DCLK2: variants seen among roughly 807,000 people sequenced by gnomAD.
DCLK2 encodes the protein serine/threonine-protein kinase DCLK2.
Under a neutral mutation model 78.4 loss-of-function variants are expected in DCLK2, and 31 were observed. That is an observed-to-expected ratio of 0.40 (90% CI 0.30 to 0.53). DCLK2 has a LOEUF of 0.53. DCLK2 is among the 20% of genes least tolerant of loss of function. DCLK2 has a pLI of 0.61. For missense variants in DCLK2, 872 were observed against 973.7 expected (o/e 0.90, Z 1.39); for synonymous variants, 407 against 374.9 (o/e 1.09, Z -0.99).
At chr4:150,158,437 C>T (rs1405114595) in intron 2 of DCLK2, among the ~76,000 whole-genome samples, 1 of 152,092 alleles carries the variant, frequency 6.6e-6, no homozygotes, top group East Asian at 1.9e-4. Context: ...GTTATTTTTG[C>T]CTCCCCTCCA....
At chr4:150,225,795 G>C (rs1181279107) in intron 8 of DCLK2, among the ~76,000 whole-genome samples, 1 of 152,114 alleles carries the variant, frequency 6.6e-6, no homozygotes, top group African/African-American at 2.4e-5. Flanking sequence ...ATTTATGCTG[G>C]ACACTGCTGC....
At position 150,193,170 on chromosome 4, in the gene DCLK2, C is replaced by A; in HGVS notation, c.789C>A (p.Asp263Glu). 6.2e-7 allele frequency: 1 copy of A among 1,609,390 alleles called. No individual in the cohort carries two copies. The highest frequency in any genetic ancestry group is 8.5e-7 in the Non-Finnish European group (1 of 1,177,128). Residue 263 changes from aspartate (D) to glutamate (E), a missense_variant, in exon 3 of 16, where the codon GAC becomes GAA. By Grantham distance (45) the Asp-to-Glu change is conservative. Transcript: ENST00000296550. ...VTCLQDFFGDDDVFIACGPEK... is the reference protein window; with the variant it reads ...VTCLQDFFGDEDVFIACGPEK... ...GTCTGCAAGACTTTTTTGGTGATGA[C>A]GATGTTTTTATTGCATGTGGACCAG...
chr4:150,200,238 G>A (rs980291822), intron 4 of DCLK2, among the ~76,000 whole-genome samples: 3 of 152,142 alleles, frequency 2.0e-5, no homozygotes, highest in Admixed American at 6.5e-5. Context: ...AAGGAAAATC[G>A]TAGCATTCTA....
At chr4:150,203,765 C>T (rs1234343103) in intron 4 of DCLK2, 30 bp from the exon 5 acceptor site, 2 of 1,571,572 alleles carry the variant, frequency 1.3e-6, no homozygotes, top group Admixed American at 1.7e-5. Context: ...TTTAATGGGA[C>T]TTCTGTCTTC....
At chr4:150,193,855 A>G (rs1404958502) in intron 3 of DCLK2, among the ~76,000 whole-genome samples, 1 of 152,012 alleles carries the variant, frequency 6.6e-6, no homozygotes, top group Non-Finnish European at 1.5e-5. Flanking sequence ...GGATTCAAGT[A>G]ATCCTCCTGC....
chr4:150,152,013 A>G (rs1734935859), intron 2 of DCLK2, among the ~76,000 whole-genome samples: 1 of 152,222 alleles, frequency 6.6e-6, no homozygotes, highest in Non-Finnish European at 1.5e-5. Context: ...TAAGGTTGTT[A>G]TTGTAATACA....
Position 150,192,711 on chromosome 4 carries a change from A to G in DCLK2, c.757-427A>G, listed in dbSNP as rs76800058. ...TCGAAACAACCCAAGGCACGGTAGC[A>G]GAGGTACAGAGAAGTCACACCCAAG... On this transcript the variant is annotated intron_variant, in intron 2 of 15. Transcript: ENST00000296550. Among the ~76,000 whole-genome samples the G allele has an allele frequency of 8.5e-3, 1,299 of 152,240 alleles. 21 individuals carry two copies. Among genetic ancestry groups the G allele is most frequent in the African/African-American group, 0.029 (1,217 of 41,544 alleles).
chr4:150,144,241 C>G (rs562515007), intron 2 of DCLK2, among the ~76,000 whole-genome samples: 1 of 152,170 alleles, frequency 6.6e-6, no homozygotes, highest in African/African-American at 2.4e-5. Context: ...TTTAATCCAT[C>G]TTGAGTTAAT....
intron 2 of DCLK2, among the ~76,000 whole-genome samples, chr4:150,167,715 G>A (rs929595299): frequency 2.0e-5 from 3 of 152,256 alleles, no homozygotes; most frequent in Admixed American, 2.0e-4. Flanking sequence ...CGCAGCCAGC[G>A]CCAGAGAAGG....
chr4:150,190,817 G>C (rs944587918), intron 2 of DCLK2, among the ~76,000 whole-genome samples: 5 of 151,948 alleles, frequency 3.3e-5, no homozygotes, highest in Non-Finnish European at 5.9e-5. Context: ...CTCAATAAAC[G>C]CTTTTAAAAA....
chr4:150,174,499 CT>C (rs1474140455), intron 2 of DCLK2, among the ~76,000 whole-genome samples: 1 of 152,134 alleles, frequency 6.6e-6, no homozygotes, highest in Admixed American at 6.6e-5. Flanking sequence ...CCGTGAGCTA[CT>C]TTTGTGTTTG....
chr4:150,127,823 G>A (rs1336712121), intron 2 of DCLK2, among the ~76,000 whole-genome samples: 2 of 152,150 alleles, frequency 1.3e-5, no homozygotes, highest in East Asian at 3.9e-4. Flanking sequence ...TGGTGGAGTT[G>A]GTTGGTTATT....
intron 2 of DCLK2, among the ~76,000 whole-genome samples, chr4:150,139,845 G>A (rs891303027): frequency 3.3e-5 from 5 of 152,156 alleles, no homozygotes; most frequent in Admixed American, 2.6e-4. Flanking sequence ...TTATTGTCTT[G>A]TCATTCCATC....
At chr4:150,198,196 G>A in intron 4 of DCLK2, 93 bp downstream of exon 4, 1 of 1,138,254 alleles carries the variant, frequency 8.8e-7, no homozygotes, top group Non-Finnish European at 1.2e-6. Flanking sequence ...GTCTTTGCCA[G>A]GGTCGTATGC....
At chr4:150,246,386 T>C (rs1407758196) in intron 12 of DCLK2, among the ~76,000 whole-genome samples, 2 of 152,166 alleles carry the variant, frequency 1.3e-5, no homozygotes, top group African/African-American at 4.8e-5. Flanking sequence ...GAGGGAGCCA[T>C]GTCATCACAA....
At chr4:150,120,469 T>C (rs1732441288) in intron 2 of DCLK2, among the ~76,000 whole-genome samples, 1 of 152,230 alleles carries the variant, frequency 6.6e-6, no homozygotes, top group Admixed American at 6.5e-5. Flanking sequence ...TGTGTGTCTG[T>C]ATTCTTAGTG....
intron 8 of DCLK2, among the ~76,000 whole-genome samples, chr4:150,228,886 C>T (rs1453303571): frequency 4.6e-5 from 7 of 151,768 alleles, no homozygotes; most frequent in Non-Finnish European, 1.0e-4. Context: ...ATTAGCCAGG[C>T]GCGGTGGCGG....
At chr4:150,095,699 T>G (rs1391070175) in intron 1 of DCLK2, among the ~76,000 whole-genome samples, 8 of 152,230 alleles carry the variant, frequency 5.3e-5, no homozygotes, top group African/African-American at 1.9e-4. Context: ...CCAACCTAAG[T>G]GATTGAACCA....
intron 8 of DCLK2, among the ~76,000 whole-genome samples, chr4:150,231,885 G>A (rs1742098323): frequency 6.6e-6 from 1 of 152,152 alleles, no homozygotes; most frequent in African/African-American, 2.4e-5. Flanking sequence ...AACTAAAAAT[G>A]CTTAATGCCA....
Sources: gnomAD v4.1 joint callset for allele counts (sites outside exome capture counted in the v4.1 genomes callset) on GRCh38, gnomAD v4.1.1 for gene constraint, MANE v1.5 for transcripts, NCBI Gene and HGNC (gene_info 2026-07-23, HGNC 2026-07-21) for gene names.